SPAG16: variants seen among roughly 807,000 people sequenced by gnomAD.
SPAG16 encodes sperm-associated antigen 16 protein.
A neutral mutation model predicts 80.4 loss-of-function variants in SPAG16; 86 were observed. The observed-to-expected ratio is 1.07, with a 90% CI of 0.90 to 1.28. The LOEUF (loss-of-function observed/expected upper bound fraction) is 1.28. Among genes scored for constraint, SPAG16 ranks in the 50% most tolerant of loss-of-function variants. The pLI is 0.00. For missense variants in SPAG16, 870 were observed against 765.3 expected (o/e 1.14, Z -1.61); for synonymous variants, 294 against 265.9 (o/e 1.11, Z -1.03).
chr2:213,915,052 G>A (rs1428136486), intron 11 of SPAG16, among the ~76,000 whole-genome samples: 3 of 152,188 alleles, frequency 2.0e-5, no homozygotes, highest in African/African-American at 7.2e-5. Context: ...AATCACGGCA[G>A]AAGGTGAATG....
chr2:213,532,586 T>A (rs760939888), intron 10 of SPAG16, among the ~76,000 whole-genome samples: 3 of 151,732 alleles, frequency 2.0e-5, no homozygotes, highest in Non-Finnish European at 4.4e-5. Flanking sequence ...CTCAGCCTCC[T>A]GAGTAGCTGG....
chr2:214,245,767 T>G (rs1689795567), intron 15 of SPAG16, among the ~76,000 whole-genome samples: 1 of 152,200 alleles, frequency 6.6e-6, no homozygotes. Context: ...TAGGTATTCC[T>G]GTCAATATTG....
chr2:214,246,615 A>G (rs1437164308), intron 15 of SPAG16, among the ~76,000 whole-genome samples: 1 of 152,106 alleles, frequency 6.6e-6, no homozygotes, highest in African/African-American at 2.4e-5. Flanking sequence ...CAGAGCAGCC[A>G]GGCAGTCCTC....
intron 15 of SPAG16, among the ~76,000 whole-genome samples, chr2:214,353,615 C>A (rs962982018): frequency 2.0e-5 from 3 of 152,096 alleles, no homozygotes; most frequent in Non-Finnish European, 2.9e-5. Flanking sequence ...AGTCAAGGAT[C>A]AAATGCTAAT....
intron 15 of SPAG16, among the ~76,000 whole-genome samples, chr2:214,304,406 G>A (rs1452102148): frequency 6.6e-6 from 1 of 152,224 alleles, no homozygotes; most frequent in Non-Finnish European, 1.5e-5. Flanking sequence ...ACAAACAATA[G>A]CATGAGAGAT....
intron 11 of SPAG16, among the ~76,000 whole-genome samples, chr2:213,870,492 A>G (rs2075905105): frequency 6.6e-6 from 1 of 152,240 alleles, no homozygotes; most frequent in African/African-American, 2.4e-5. Flanking sequence ...ATCTGGTTAT[A>G]CACAAGATGC....
At chr2:214,324,275 G>A (rs1696317926) in intron 15 of SPAG16, among the ~76,000 whole-genome samples, 1 of 152,078 alleles carries the variant, frequency 6.6e-6, no homozygotes, top group Admixed American at 6.5e-5. Context: ...TTCTTTTCAA[G>A]TATACTTTGG....
intron 13 of SPAG16, among the ~76,000 whole-genome samples, chr2:214,104,702 A>G (rs1005509250): frequency 6.6e-6 from 1 of 152,162 alleles, no homozygotes; most frequent in Admixed American, 6.6e-5. Context: ...GTTGGGAAGT[A>G]GTAAATCAAC....
intron 14 of SPAG16, 78 bp downstream of exon 14, chr2:214,108,339 C>A: frequency 3.3e-6 from 4 of 1,198,878 alleles, no homozygotes; most frequent in Non-Finnish European, 2.4e-6. Flanking sequence ...AATTTCCAAG[C>A]TAAAATGGTA....
intron 10 of SPAG16, among the ~76,000 whole-genome samples, chr2:213,776,826 A>ACCCCCC (rs140864608): frequency 1.0e-4 from 11 of 107,552 alleles, no homozygotes; most frequent in African/African-American, 1.4e-4. Flanking sequence ...GTTCTATGCC[A>ACCCCCC]CCCCCCCCCC....
intron 12 of SPAG16, among the ~76,000 whole-genome samples, chr2:213,990,640 T>C (rs908722739): frequency 6.6e-6 from 1 of 152,146 alleles, no homozygotes; most frequent in African/African-American, 2.4e-5. Flanking sequence ...GGGATCATCC[T>C]AAAGGTCTTC....
At chr2:213,672,478 C>A (rs1033432356) in intron 10 of SPAG16, among the ~76,000 whole-genome samples, 1 of 151,966 alleles carries the variant, frequency 6.6e-6, no homozygotes, top group Non-Finnish European at 1.5e-5. Flanking sequence ...ACCTCTGGAA[C>A]TATATTTATT....
intron 15 of SPAG16, among the ~76,000 whole-genome samples, chr2:214,250,753 T>TACAGAG (rs747802708): frequency 1.0e-5 from 1 of 99,480 alleles, no homozygotes; most frequent in East Asian, 2.8e-4. Context: ...TATATATATA[T>TACAGAG]ATATAGAGAG....
chr2:214,221,452 C>G (rs1371444305), intron 15 of SPAG16, among the ~76,000 whole-genome samples: 1 of 152,092 alleles, frequency 6.6e-6, no homozygotes, highest in Non-Finnish European at 1.5e-5. Context: ...GACATAGACA[C>G]ATCCATTTTA....
At chr2:213,564,002 T>G (rs920876106) in intron 10 of SPAG16, among the ~76,000 whole-genome samples, 13 of 152,218 alleles carry the variant, frequency 8.5e-5, no homozygotes, top group African/African-American at 2.9e-4. Flanking sequence ...AAGGGAGCTT[T>G]GTGAGTAAAA....
chr2:213,848,913 T>G (rs2105901501), intron 10 of SPAG16, among the ~76,000 whole-genome samples: 1 of 152,296 alleles, frequency 6.6e-6, no homozygotes, highest in East Asian at 1.9e-4. Flanking sequence ...CTTAGGAATT[T>G]TTTTAGTGTA....
chr2:213,423,004 G>A (rs959301566), intron 9 of SPAG16, among the ~76,000 whole-genome samples: 1 of 152,192 alleles, frequency 6.6e-6, no homozygotes, highest in African/African-American at 2.4e-5. Flanking sequence ...TCCTTAGGCT[G>A]TTACTTCAAA....
At chr2:213,918,946 G>A (rs549800730) in intron 11 of SPAG16, among the ~76,000 whole-genome samples, 35 of 152,148 alleles carry the variant, frequency 2.3e-4, no homozygotes, top group African/African-American at 7.7e-4. Context: ...GTCTCTGATG[G>A]TTATTTGTAT....
intron 10 of SPAG16, among the ~76,000 whole-genome samples, chr2:213,525,835 A>G (rs1049813895): frequency 1.8e-4 from 28 of 152,102 alleles, no homozygotes; most frequent in Non-Finnish European, 3.4e-4. Context: ...CAGGGTAGAT[A>G]CAGATGTAGA....
Sources: allele counts gnomAD v4.1 joint callset (sites outside exome capture counted in the v4.1 genomes callset), GRCh38; gene constraint gnomAD v4.1.1; transcripts MANE v1.5; gene names NCBI Gene and HGNC (gene_info 2026-07-23, HGNC 2026-07-21).